Variants in ABCA13 observed in about 807,000 individuals in gnomAD.
ABCA13 encodes the protein ATP-binding cassette sub-family A member 13.
Under a neutral mutation model 478.7 loss-of-function variants are expected in ABCA13, and 476 were observed. The observed-to-expected ratio is 0.99, with a 90% CI of 0.92 to 1.07. ABCA13 has a LOEUF of 1.07. ABCA13 is among the 50% of genes least tolerant of loss of function. The pLI is 0.00. For synonymous variants in ABCA13, 2,252 were observed against 2,158.9 expected, an observed-to-expected ratio of 1.04 and a Z score of -1.20; for missense variants, 6,060 against 5,910.6, an observed-to-expected ratio of 1.03 and a Z score of -0.83.
intron 31 of ABCA13, among the ~76,000 whole-genome samples, chr7:48,366,288 G>A (rs1811660814): frequency 6.6e-6 from 1 of 151,702 alleles, no homozygotes; most frequent in South Asian, 2.1e-4. Flanking sequence ...ATACCTGTGT[G>A]ACTCATTTCC....
At chr7:48,179,037 C>A (rs1325668637) in intron 1 of ABCA13, among the ~76,000 whole-genome samples, 5 of 150,598 alleles carry the variant, frequency 3.3e-5, no homozygotes, top group East Asian at 1.9e-4. Flanking sequence ...CAAAGACTTA[C>A]TTTCCCAAGA....
chr7:48,442,707 C>A (rs1823792142), intron 42 of ABCA13, among the ~76,000 whole-genome samples: 1 of 152,174 alleles, frequency 6.6e-6, no homozygotes, highest in South Asian at 2.1e-4. Flanking sequence ...GGTTTCACCC[C>A]CAAATCTTCT....
intron 43 of ABCA13, 137 bp downstream of exon 43, chr7:48,455,423 CGAG>C: frequency 7.7e-7 from 1 of 1,296,430 alleles, no homozygotes; most frequent in Non-Finnish European, 1.0e-6. Context: ...TCTGAATTCA[CGAG>C]GAGATCCTTG....
chr7:48,249,034 A>G (rs552812044), intron 14 of ABCA13, among the ~76,000 whole-genome samples, 178 bp from the exon 15 acceptor site: 1 of 152,236 alleles, frequency 6.6e-6, no homozygotes. Context: ...AAATCGAGGT[A>G]GAGGAGTTTG....
At chr7:48,590,195 C>G (rs1789577686) in intron 57 of ABCA13, among the ~76,000 whole-genome samples, 1 of 151,926 alleles carries the variant, frequency 6.6e-6, no homozygotes, top group Non-Finnish European at 1.5e-5. Flanking sequence ...TTATGCTTGG[C>G]ATAAAGTCCT....
chr7:48,623,324 T>C (rs1294051248), intron 59 of ABCA13, among the ~76,000 whole-genome samples: 1 of 152,246 alleles, frequency 6.6e-6, no homozygotes, highest in East Asian at 1.9e-4. Flanking sequence ...ATTTCTTCGT[T>C]ATCCTTTTCT....
intron 52 of ABCA13, 114 bp from the exon 53 acceptor site, chr7:48,519,927 A>T: frequency 9.3e-7 from 1 of 1,079,128 alleles, no homozygotes; most frequent in East Asian, 2.6e-5. Flanking sequence ...AATAGTTGGG[A>T]TAGGGAAGAC....
chr7:48,234,330 T>G, intron 8 of ABCA13, 179 bp downstream of exon 8: 1 of 741,404 alleles, frequency 1.3e-6, no homozygotes, highest in Non-Finnish European at 2.3e-6. Flanking sequence ...TTTCTAGAAG[T>G]GTCTCTTTCT....
At chr7:48,451,675 T>G (rs1362989386) in intron 42 of ABCA13, among the ~76,000 whole-genome samples, 1 of 152,228 alleles carries the variant, frequency 6.6e-6, no homozygotes, top group Admixed American at 6.5e-5. Flanking sequence ...GCATTATGTT[T>G]GTAAAGCTTT....
intron 43 of ABCA13, among the ~76,000 whole-genome samples, chr7:48,457,779 A>T (rs892277968): frequency 6.6e-6 from 1 of 152,206 alleles, no homozygotes; most frequent in Non-Finnish European, 1.5e-5. Context: ...CCCACTTCTC[A>T]TGGTTAATTT....
chr7:48,288,127 C>G, intron 20 of ABCA13, 49 bp downstream of exon 20: 1 of 1,512,022 alleles, frequency 6.6e-7, no homozygotes, highest in Non-Finnish European at 9.2e-7. Context: ...TGACTATTGG[C>G]CCTTGCAAGG....
In ABCA13 at chr7:48,276,359, C is replaced by T. The variant is rs765921348; in HGVS notation, c.6693C>T (p.Asp2231=). 145 of 1,548,328 alleles carry T rather than the reference C, an allele frequency of 9.4e-5. 1 individual carries two copies. The South Asian group carries it at 1.7e-3, about 19-fold the overall frequency. ...QEAAWNLNDT[D]LQIMNFINLI... is the part of the protein sequence containing the mutation. ...CAGCTTGGAACTTAAATGATACTGA[C>T]CTTCAAATAATGAATTTCATTAACC... The change falls in exon 17 of 62, where the codon GAC becomes GAT. Residue 2231 remains aspartate, a synonymous_variant. Transcript: ENST00000435803.
At chr7:48,366,420 T>C (rs1350262623) in intron 31 of ABCA13, among the ~76,000 whole-genome samples, 1 of 152,086 alleles carries the variant, frequency 6.6e-6, no homozygotes, top group African/African-American at 2.4e-5. Context: ...TCATAGCATT[T>C]ATCACTACCT....
Position 48,253,266 on chromosome 7 carries a change from TTC to T in ABCA13, c.2005+3918_2005+3919del, listed in dbSNP as rs776116779. Among the ~76,000 whole-genome samples, 5 of 152,314 alleles carry T rather than the reference TTC, an allele frequency of 3.3e-5. No individual in the cohort carries two copies. In the South Asian group the frequency reaches 1.0e-3, roughly 32 times the overall value. On this transcript the variant is annotated intron_variant, in intron 15 of 61. Coordinates refer to ENST00000435803, the MANE Select transcript of ABCA13 (RefSeq NM_152701.5). ...ACCTGGCATCCAAACTATGCCACTT[TTC>T]TCATCTGTGCTCTACATCAGGCAAG...
intron 42 of ABCA13, among the ~76,000 whole-genome samples, chr7:48,445,887 A>G (rs1824235258): frequency 6.6e-6 from 1 of 152,114 alleles, no homozygotes; most frequent in Non-Finnish European, 1.5e-5. Context: ...GGACACCTGC[A>G]TATCAAGGCA....
At chr7:48,517,770 T>C (rs1832242238) in intron 52 of ABCA13, among the ~76,000 whole-genome samples, 1 of 152,208 alleles carries the variant, frequency 6.6e-6, no homozygotes, top group Non-Finnish European at 1.5e-5. Context: ...TCTCTCCTGA[T>C]TCCCTGCTGC....
At position 48,273,945 on chromosome 7, in the gene ABCA13, A is replaced by G; in HGVS notation, c.4279A>G (p.Ile1427Val). Residue 1427 changes from isoleucine (I) to valine (V), a missense_variant, in exon 17 of 62, where the codon ATA (isoleucine) becomes GTA (valine). Physicochemically the swap from Ile to Val is conservative, Grantham distance 29. This residue lies in a region of ABCA13 where 4,423 missense variants were observed against 4,309.1 expected (regional missense o/e 1.03). Coordinates refer to ENST00000435803, the MANE Select transcript of ABCA13 (RefSeq NM_152701.5). ...AAATATTTTGGGGAATTTCAGAGATATAGAAAACAAAATGAACTCTATATT... is the reference window on the plus strand; with the variant it reads ...AAATATTTTGGGGAATTTCAGAGATGTAGAAAACAAAATGAACTCTATATT... ...LQNILGNFRD[I>V]ENKMNSILKI... The G allele has an allele frequency of 1.2e-6, 2 of 1,611,908 alleles. No homozygotes were observed. The highest frequency in any genetic ancestry group is 1.7e-6 in the Non-Finnish European group (2 of 1,178,732).
intron 20 of ABCA13, among the ~76,000 whole-genome samples, chr7:48,289,338 A>G (rs1011080531): frequency 3.7e-4 from 55 of 150,318 alleles, no homozygotes; most frequent in African/African-American, 1.2e-3. Context: ...GGATACAGGA[A>G]AAAAAAAAGC....
At chr7:48,526,583 A>T (rs1832904841) in intron 54 of ABCA13, among the ~76,000 whole-genome samples, 1 of 152,154 alleles carries the variant, frequency 6.6e-6, no homozygotes, top group Non-Finnish European at 1.5e-5. Context: ...ACTTTCACAA[A>T]CCTACATGGT....
Sources: gnomAD v4.1 joint callset for allele counts (sites outside exome capture counted in the v4.1 genomes callset) on GRCh38, gnomAD v4.1.1 for gene constraint, gnomAD v4.1.1 regional missense constraint, MANE v1.5 for transcripts, NCBI Gene and HGNC (gene_info 2026-07-23, HGNC 2026-07-21) for gene names.